KCND3: variants seen among roughly 807,000 people sequenced by gnomAD.
The protein encoded by KCND3 is A-type voltage-gated potassium channel KCND3.
Under a neutral mutation model 51.1 loss-of-function variants are expected in KCND3, and 9 were observed. The ratio of observed to expected loss-of-function variants is 0.18; its 90% CI spans 0.11 to 0.31. The LOEUF (loss-of-function observed/expected upper bound fraction) is 0.31. KCND3 is among the 10% of genes least tolerant of loss of function. KCND3 has a pLI of 1.00. For synonymous variants in KCND3, 349 were observed against 368.0 expected, an observed-to-expected ratio of 0.95 and a Z score of 0.59; for missense variants, 526 against 903.8, an observed-to-expected ratio of 0.58 and a Z score of 5.36.
At chr1:111,915,471 G>A (rs1671152609) in intron 2 of KCND3, among the ~76,000 whole-genome samples, 1 of 152,016 alleles carries the variant, frequency 6.6e-6, no homozygotes, top group East Asian at 1.9e-4. Context: ...CAAAACTGGA[G>A]GCCGGGTGCA....
At chr1:111,852,695 T>A (rs914323418) in intron 2 of KCND3, among the ~76,000 whole-genome samples, 6 of 152,178 alleles carry the variant, frequency 3.9e-5, no homozygotes, top group Non-Finnish European at 5.9e-5. Context: ...TTCCTGTGCA[T>A]GCATAAAAAA....
At position 111,780,591 on chromosome 1, in the gene KCND3, C is replaced by G; in HGVS notation, c.1371+99G>C. The G allele has an allele frequency of 9.2e-7, 1 of 1,084,584 alleles. No individual in the cohort carries two copies. The highest frequency in any genetic ancestry group is 1.4e-6 in the Non-Finnish European group (1 of 722,636). The allele number at this position is 1,084,584 out of a possible 1,614,324, so 67.2% of individuals were successfully genotyped here. On this transcript the variant is annotated intron_variant, in intron 4 of 7. Transcript: ENST00000302127. This position sits in a 1 kb window ranked among gnomAD's most constrained non-coding sequence, Gnocchi z 4.2. ...TTGGAAACGTGTCCTCCTTGGGGTT[C>G]ATACTGGGGCTCTGGTGAGAGTGCT...
intron 2 of KCND3, among the ~76,000 whole-genome samples, chr1:111,924,249 A>G (rs940291413): frequency 6.6e-6 from 1 of 152,210 alleles, no homozygotes; most frequent in African/African-American, 2.4e-5. Context: ...CTGGAAGGGG[A>G]AATTATGGAC....
chr1:111,797,467 G>A (rs1665107288), intron 2 of KCND3, among the ~76,000 whole-genome samples: 1 of 152,144 alleles, frequency 6.6e-6, no homozygotes, highest in African/African-American at 2.4e-5. Flanking sequence ...ACATCTGCTG[G>A]GTGTTTGTTA....
At chr1:111,821,262 G>A (rs1666335049) in intron 2 of KCND3, among the ~76,000 whole-genome samples, 1 of 152,214 alleles carries the variant, frequency 6.6e-6, no homozygotes. Context: ...ATGGATGGGT[G>A]TTAAAGGCCC....
At chr1:111,920,649 C>G (rs1343785091) in intron 2 of KCND3, among the ~76,000 whole-genome samples, 2 of 152,178 alleles carry the variant, frequency 1.3e-5, no homozygotes, top group Non-Finnish European at 2.9e-5. Context: ...TGGGCTGAAG[C>G]CACTCCAGGC....
chr1:111,988,433 C>G (rs1481577323), intron 1 of KCND3, among the ~76,000 whole-genome samples: 1 of 152,110 alleles, frequency 6.6e-6, no homozygotes, highest in Non-Finnish European at 1.5e-5. Context: ...TCTGGGGGGT[C>G]CCTTGTATAC....
intron 2 of KCND3, among the ~76,000 whole-genome samples, chr1:111,932,428 T>C (rs1672020792): frequency 6.6e-6 from 1 of 152,202 alleles, no homozygotes; most frequent in Non-Finnish European, 1.5e-5. Flanking sequence ...TGCAGTGGCA[T>C]TAAGTGCATT....
chr1:111,832,314 C>G (rs568378209), intron 2 of KCND3, among the ~76,000 whole-genome samples: 1 of 152,154 alleles, frequency 6.6e-6, no homozygotes, highest in Non-Finnish European at 1.5e-5. Flanking sequence ...CCGAGAGAAG[C>G]CTGGGACGTT....
Position 111,776,004 on chromosome 1 carries a change from C to T in KCND3, c.*73G>A. On this transcript the variant is annotated 3_prime_UTR_variant, in exon 8 of 8. Coordinates refer to ENST00000302127, the MANE Select transcript of KCND3 (RefSeq NM_001378969.1). Reference sequence around the variant, plus strand: ...GTGGGGAAAGGGGGGAGGGAGTGGTCTCAGTGACCACCCACCAACATGCCA... The same window carrying T: ...GTGGGGAAAGGGGGGAGGGAGTGGTTTCAGTGACCACCCACCAACATGCCA... 1 of 1,519,878 alleles carries T rather than the reference C, an allele frequency of 6.6e-7. No individual in the cohort carries two copies. The highest frequency in any genetic ancestry group is 9.1e-7 in the Non-Finnish European group (1 of 1,095,200). The allele number at this position is 1,519,878 out of a possible 1,614,324, so 94.1% of individuals were successfully genotyped here. A position where few individuals can be genotyped will look rare whatever the true frequency, so the allele number is the denominator to read the frequency against.
At chr1:111,805,957 T>A (rs551432063) in intron 2 of KCND3, among the ~76,000 whole-genome samples, 30 of 152,224 alleles carry the variant, frequency 2.0e-4, no homozygotes, top group African/African-American at 6.7e-4. Context: ...GAAAAGAACA[T>A]GAGGTGAGCC....
intron 2 of KCND3, among the ~76,000 whole-genome samples, chr1:111,835,615 A>G (rs1330105599): frequency 6.6e-6 from 1 of 152,236 alleles, no homozygotes; most frequent in Non-Finnish European, 1.5e-5. Flanking sequence ...TCATTAGCAT[A>G]CTAAAAGACA....
At position 111,775,781 on chromosome 1, in the gene KCND3, G is replaced by A. The variant is rs1664074492; in HGVS notation, c.*296C>T. ...TCTGAGGCTCCTCCATCCAGGCCCT[G>A]TCCTGGCACATAGCCTATATCCCCC... On this transcript the variant is annotated 3_prime_UTR_variant, in exon 8 of 8. Transcript: ENST00000302127. 4.2e-6 allele frequency: 2 copies of A among 477,248 alleles called. No homozygotes were observed. Among genetic ancestry groups the A allele is most frequent in the South Asian group, 4.1e-5 (2 of 48,386 alleles). 29.6% of individuals were successfully genotyped at this position (477,248 alleles called of 1,614,324 possible). A position where few individuals can be genotyped will look rare whatever the true frequency, so the allele number is the denominator to read the frequency against.
At chr1:111,883,372 A>T (rs1353902037) in intron 2 of KCND3, among the ~76,000 whole-genome samples, 2 of 152,228 alleles carry the variant, frequency 1.3e-5, no homozygotes, top group Non-Finnish European at 2.9e-5. Flanking sequence ...AACATTCATC[A>T]TTCCCTGCTT....
intron 2 of KCND3, among the ~76,000 whole-genome samples, chr1:111,838,717 C>T (rs1667190536): frequency 6.6e-6 from 1 of 152,046 alleles, no homozygotes; most frequent in Non-Finnish European, 1.5e-5. Context: ...AACAAAAGCA[C>T]ACACAACAGA....
chr1:111,908,951 C>CTTT (rs34151345), intron 2 of KCND3, among the ~76,000 whole-genome samples: 1,351 of 131,302 alleles, frequency 0.01, 14 homozygotes, highest in Non-Finnish European at 0.015. Flanking sequence ...GGTCTCATGC[C>CTTT]TTTTTTTTTT....
At chr1:111,830,664 GC>G (rs1288178191) in intron 2 of KCND3, among the ~76,000 whole-genome samples, 2 of 152,212 alleles carry the variant, frequency 1.3e-5, no homozygotes, top group East Asian at 3.8e-4. Flanking sequence ...CAGATTGAAT[GC>G]AGATGCAGAT....
At chr1:111,968,387 A>G (rs1386695030) in intron 2 of KCND3, among the ~76,000 whole-genome samples, 1 of 152,244 alleles carries the variant, frequency 6.6e-6, no homozygotes, top group Non-Finnish European at 1.5e-5. Flanking sequence ...ATCTAGGGTC[A>G]CATAAGCTGT....
intron 1 of KCND3, among the ~76,000 whole-genome samples, chr1:111,987,070 AC>A (rs2102014805): frequency 6.6e-6 from 1 of 152,238 alleles, no homozygotes; most frequent in Non-Finnish European, 1.5e-5. Context: ...AATCAGAGGC[AC>A]CCTGTGGAAC....
Sources: allele counts gnomAD v4.1 joint callset (sites outside exome capture counted in the v4.1 genomes callset), GRCh38; gene constraint gnomAD v4.1.1; non-coding constraint Gnocchi (gnomAD v3.1); transcripts MANE v1.5; gene names NCBI Gene and HGNC (gene_info 2026-07-23, HGNC 2026-07-21).